PTPN13: variants seen among roughly 807,000 people sequenced by gnomAD.
PTPN13 encodes tyrosine-protein phosphatase non-receptor type 13.
A neutral mutation model predicts 284.0 loss-of-function variants in PTPN13; 191 were observed. The ratio of observed to expected loss-of-function variants is 0.67; its 90% CI spans 0.60 to 0.76. PTPN13 has a LOEUF of 0.76. Among genes scored for constraint, PTPN13 ranks in the 30% least tolerant of loss-of-function variants. PTPN13 has a pLI of 0.00. For missense variants in PTPN13, 2,797 were observed against 2,939.9 expected (o/e 0.95, Z 1.12); for synonymous variants, 986 against 1,022.3 (o/e 0.96, Z 0.68).
intron 35 of PTPN13, among the ~76,000 whole-genome samples, chr4:86,780,053 A>C (rs1741117246): frequency 6.6e-6 from 1 of 152,114 alleles, no homozygotes; most frequent in Admixed American, 6.5e-5. Flanking sequence ...GTTAAACTGA[A>C]GCCCAGAGAA....
At chr4:86,736,541 T>C (rs1350034923) in intron 15 of PTPN13, among the ~76,000 whole-genome samples, 2 of 152,182 alleles carry the variant, frequency 1.3e-5, no homozygotes, top group African/African-American at 4.8e-5. Flanking sequence ...CTAGTGTTCA[T>C]GGAAAGAAAG....
At chr4:86,623,681 T>G (rs1033295653) in intron 1 of PTPN13, among the ~76,000 whole-genome samples, 1 of 152,216 alleles carries the variant, frequency 6.6e-6, no homozygotes, top group East Asian at 1.9e-4. Flanking sequence ...ATTCTGTCTT[T>G]TGGAATTATG....
intron 2 of PTPN13, among the ~76,000 whole-genome samples, chr4:86,666,945 G>A (rs1727154219): frequency 6.6e-6 from 1 of 152,176 alleles, no homozygotes; most frequent in African/African-American, 2.4e-5. Flanking sequence ...TGGCACAGCT[G>A]CCAGTATTCA....
At chr4:86,746,913 T>C (rs776758013) in intron 17 of PTPN13, among the ~76,000 whole-genome samples, 2 of 152,164 alleles carry the variant, frequency 1.3e-5, no homozygotes, top group African/African-American at 2.4e-5. Context: ...TTTTTACACA[T>C]GCTAAAATAC....
chr4:86,687,527 T>G (rs1329493976), intron 4 of PTPN13, among the ~76,000 whole-genome samples: 1 of 152,188 alleles, frequency 6.6e-6, no homozygotes, highest in East Asian at 1.9e-4. Flanking sequence ...GGTTTTTTCT[T>G]ATTAAATAAA....
At chr4:86,799,332 T>C in intron 42 of PTPN13, 128 bp downstream of exon 42, 2 of 555,824 alleles carry the variant, frequency 3.6e-6, no homozygotes, top group Non-Finnish European at 5.8e-6. Context: ...TTTTTTTTTT[T>C]TCTTTTTTTG....
intron 35 of PTPN13, 124 bp from the exon 36 acceptor site, chr4:86,780,277 GT>G: frequency 1.4e-6 from 1 of 738,360 alleles, no homozygotes. Context: ...GCACATGCCT[GT>G]GGTCCCAGCT....
intron 2 of PTPN13, among the ~76,000 whole-genome samples, chr4:86,655,335 A>C (rs946271142): frequency 5.9e-5 from 9 of 152,128 alleles, no homozygotes; most frequent in African/African-American, 1.9e-4. Flanking sequence ...TCTTCCTAGC[A>C]TCGATGGTCT....
At chr4:86,802,432 A>T (rs1206288475) in intron 42 of PTPN13, among the ~76,000 whole-genome samples, 1 of 152,148 alleles carries the variant, frequency 6.6e-6, no homozygotes, top group African/African-American at 2.4e-5. Flanking sequence ...GCTGCCCATG[A>T]TAAACCCCTT....
chr4:86,782,192 T>G lies in PTPN13; in HGVS notation c.5963-9T>G. ...GCTCATCCCCTTACTTCCTATATTG[T>G]CCTTTCAGGTTCCTACAGTGTGGGG... On this transcript the variant is annotated splice_polypyrimidine_tract_variant and intron_variant, in intron 36 of 47. Coordinates refer to ENST00000411767, the MANE Select transcript of PTPN13 (RefSeq NM_080683.3). The G allele has an allele frequency of 6.3e-7, 1 of 1,587,466 alleles. No individual in the cohort carries two copies. Among genetic ancestry groups the G allele is most frequent in the Non-Finnish European group, 8.7e-7 (1 of 1,155,864 alleles).
In PTPN13 at chr4:86,792,456, T is replaced by A. The variant is rs1199281395; in HGVS notation, c.6346-4418T>A. On this transcript the variant is annotated intron_variant, in intron 40 of 47. Coordinates refer to ENST00000411767, the MANE Select transcript of PTPN13 (RefSeq NM_080683.3). ...TCTTCAGGATATTATCCAGGAGAACTTCACTAACCTAGCAAGGCAGGCCAA... is the reference window on the plus strand; with the variant it reads ...TCTTCAGGATATTATCCAGGAGAACATCACTAACCTAGCAAGGCAGGCCAA... Among the ~76,000 whole-genome samples, 3 of 152,146 alleles carry A rather than the reference T, an allele frequency of 2.0e-5. No individual in the cohort carries two copies. In the East Asian group the frequency reaches 5.8e-4, roughly 29 times the overall value.
chr4:86,720,659 T>C (rs1733552436), intron 9 of PTPN13, among the ~76,000 whole-genome samples: 1 of 152,182 alleles, frequency 6.6e-6, no homozygotes, highest in South Asian at 2.1e-4. Flanking sequence ...AACATGCTGG[T>C]ACGTAATCAG....
intron 1 of PTPN13, among the ~76,000 whole-genome samples, chr4:86,603,591 G>T (rs76640964): frequency 6.6e-6 from 1 of 151,994 alleles, no homozygotes; most frequent in Non-Finnish European, 1.5e-5. Context: ...AGATGATATG[G>T]TATGTATAAT....
At chr4:86,730,847 A>G (rs556115996) in intron 10 of PTPN13, among the ~76,000 whole-genome samples, 3 of 152,178 alleles carry the variant, frequency 2.0e-5, no homozygotes, top group African/African-American at 7.2e-5. Context: ...TGAACCAGGT[A>G]CCTCAGTTGG....
intron 15 of PTPN13, among the ~76,000 whole-genome samples, chr4:86,737,276 A>C (rs1735629682): frequency 6.6e-6 from 1 of 151,648 alleles, no homozygotes; most frequent in Non-Finnish European, 1.5e-5. Flanking sequence ...AATAAAATAA[A>C]AGTAAAAAAT....
intron 1 of PTPN13, among the ~76,000 whole-genome samples, chr4:86,617,887 C>A (rs1206389175): frequency 6.6e-6 from 1 of 151,808 alleles, no homozygotes; most frequent in East Asian, 1.9e-4. Flanking sequence ...CCTGTTCACT[C>A]TGATGGTAGT....
intron 24 of PTPN13, 65 bp downstream of exon 24, chr4:86,763,255 A>T: frequency 7.7e-7 from 1 of 1,296,688 alleles, no homozygotes; most frequent in South Asian, 1.4e-5. Flanking sequence ...CAAATAAGTT[A>T]CAGAGCACAA....
intron 1 of PTPN13, among the ~76,000 whole-genome samples, chr4:86,595,521 G>T (rs1212151375): frequency 6.6e-6 from 1 of 152,050 alleles, no homozygotes; most frequent in Non-Finnish European, 1.5e-5. Flanking sequence ...AGGATGGGGA[G>T]AAATATCACT....
At chr4:86,726,951 G>C (rs766472364) in intron 10 of PTPN13, among the ~76,000 whole-genome samples, 1 of 149,418 alleles carries the variant, frequency 6.7e-6, no homozygotes, top group Non-Finnish European at 1.5e-5. Flanking sequence ...CTGTGGGTTT[G>C]TCGTAAATAG....
Sources: allele counts gnomAD v4.1 joint callset (sites outside exome capture counted in the v4.1 genomes callset), GRCh38; gene constraint gnomAD v4.1.1; transcripts MANE v1.5; gene names NCBI Gene and HGNC (gene_info 2026-07-23, HGNC 2026-07-21).